SAMD13: variants seen among roughly 807,000 people sequenced by gnomAD.
SAMD13 encodes sterile alpha motif domain containing 13, also known as sterile alpha motif domain-containing protein 13.
Under a neutral mutation model 12.4 loss-of-function variants are expected in SAMD13, and 9 were observed. The observed-to-expected ratio is 0.72, with a 90% CI of 0.44 to 1.26. SAMD13 has a LOEUF of 1.26. Ranked by LOEUF, SAMD13 falls within the 50% of genes most tolerant of loss-of-function variation. SAMD13 has a pLI of 0.00. For missense variants in SAMD13, 84 were observed against 119.6 expected, an observed-to-expected ratio of 0.70 and a Z score of 1.39; for synonymous variants, 46 against 45.4, an observed-to-expected ratio of 1.01 and a Z score of -0.05.
intron 2 of SAMD13, among the ~76,000 whole-genome samples, chr1:84,315,036 C>T (rs1398036834): frequency 1.4e-5 from 2 of 141,396 alleles, no homozygotes; most frequent in Admixed American, 7.3e-5. Flanking sequence ...TTCTTTCTCT[C>T]TCTTTGTTTT....
chr1:84,341,230 T>C (rs1679418001), intron 3 of SAMD13, among the ~76,000 whole-genome samples: 1 of 152,218 alleles, frequency 6.6e-6, no homozygotes, highest in Non-Finnish European at 1.5e-5. Flanking sequence ...CACTTTGTCT[T>C]CATGGACATT....
In SAMD13 at chr1:84,338,432, CT is replaced by C. The variant is rs201864672; in HGVS notation, c.166-11176del. Among the ~76,000 whole-genome samples the C allele has an allele frequency of 3.6e-3, 366 of 100,650 alleles. 1 individual carries two copies. The highest frequency in any genetic ancestry group is 0.011 in the African/African-American group (275 of 25,446). 66.0% of individuals were successfully genotyped at this position (100,650 alleles called of 152,430 possible). ...AGCTGGTACAGGGGAACTCATCTCTCTTTTTTTTTTTTTTTTTTTTTTTAAG... is the reference window on the plus strand; with the variant it reads ...AGCTGGTACAGGGGAACTCATCTCTCTTTTTTTTTTTTTTTTTTTTTTAAG... On this transcript the variant is annotated intron_variant, in intron 3 of 3. Transcript: ENST00000394834.
At chr1:84,317,177 C>T (rs75462904) in intron 2 of SAMD13, among the ~76,000 whole-genome samples, 2,109 of 151,988 alleles carry the variant, frequency 0.014, 53 homozygotes, top group African/African-American at 0.048. Context: ...TTTTCCTTTT[C>T]AATTTGGAGG....
At chr1:84,309,342 G>A (rs375957536) in intron 2 of SAMD13, among the ~76,000 whole-genome samples, 8 of 152,118 alleles carry the variant, frequency 5.3e-5, no homozygotes, top group African/African-American at 1.2e-4. Context: ...TTCTTGTGTC[G>A]TTGCTGCAAG....
At chr1:84,336,546 A>C (rs1224776957) in intron 3 of SAMD13, among the ~76,000 whole-genome samples, 5 of 152,140 alleles carry the variant, frequency 3.3e-5, no homozygotes, top group Non-Finnish European at 4.4e-5. Context: ...ATTCACTATC[A>C]TGAGAAGAGC....
At chr1:84,306,644 C>CAAAAAAAAAAA (rs386367519) in intron 2 of SAMD13, among the ~76,000 whole-genome samples, 1 of 63,976 alleles carries the variant, frequency 1.6e-5, no homozygotes, top group Non-Finnish European at 3.0e-5. Context: ...CTAAAAATAC[C>CAAAAAAAAAAA]AAAAAAAAAA....
At chr1:84,344,505 T>C (rs974249999) in intron 3 of SAMD13, among the ~76,000 whole-genome samples, 1 of 152,122 alleles carries the variant, frequency 6.6e-6, no homozygotes, top group Non-Finnish European at 1.5e-5. Flanking sequence ...GAAGGATCCA[T>C]ACAACAAAGA....
In SAMD13 at chr1:84,303,220, C is replaced by G; in HGVS notation, c.-15C>G. The stretch of plus-strand genomic sequence containing the variant: ...TTGATTAGTTGCTGAAGTAAAGGAA[C>G]CCTGCAGCCTTCCCATGCTATCTGT... On this transcript the variant is annotated 5_prime_UTR_variant, in exon 2 of 4. Transcript: ENST00000394834. 6.2e-7 allele frequency: 1 copy of G among 1,612,486 alleles called. No individual in the cohort carries two copies. The highest frequency in any genetic ancestry group is 8.5e-7 in the Non-Finnish European group (1 of 1,178,744).
chr1:84,349,901 TA>T lies in SAMD13; in HGVS notation c.*128del. 7.0e-7 allele frequency: 1 copy of T among 1,429,530 alleles called. No homozygotes were observed. Among genetic ancestry groups the T allele is most frequent in the Non-Finnish European group, 9.1e-7 (1 of 1,093,922 alleles). The allele number at this position is 1,429,530 out of a possible 1,614,324, so 88.6% of individuals were successfully genotyped here. A position where few individuals can be genotyped will look rare whatever the true frequency, so the allele number is the denominator to read the frequency against. ...AAAGAATTTCAATCAAATGAAACGTTATCCTATTGGATAGACTAGGCAATTC... is the reference window on the plus strand; with the variant it reads ...AAAGAATTTCAATCAAATGAAACGTTTCCTATTGGATAGACTAGGCAATTC... On this transcript the variant is annotated 3_prime_UTR_variant, in exon 4 of 4. Transcript: ENST00000394834.
At chr1:84,299,553 C>A, upstream of SAMD13, 2 of 1,445,426 alleles carry the variant, frequency 1.4e-6, no homozygotes, top group South Asian at 1.4e-5. Flanking sequence ...ACATAGTGCA[C>A]ACATCACACT....
intron 3 of SAMD13, among the ~76,000 whole-genome samples, chr1:84,328,739 T>C (rs1164800487): frequency 6.6e-6 from 1 of 152,168 alleles, no homozygotes; most frequent in Non-Finnish European, 1.5e-5. Flanking sequence ...ATCATCCTGA[T>C]TAGAAAATGC....
chr1:84,316,105 T>C (rs1678827447), intron 2 of SAMD13, among the ~76,000 whole-genome samples: 2 of 152,172 alleles, frequency 1.3e-5, no homozygotes, highest in Non-Finnish European at 2.9e-5. Flanking sequence ...ATTCCTTATA[T>C]ATTTTAGAAA....
At chr1:84,324,742 C>A (rs533452260) in intron 2 of SAMD13, among the ~76,000 whole-genome samples, 1 of 152,128 alleles carries the variant, frequency 6.6e-6, no homozygotes, top group African/African-American at 2.4e-5. Flanking sequence ...ATACTCCCAA[C>A]GCAGAAATGA....
chr1:84,337,555 T>C (rs1679327399), intron 3 of SAMD13, among the ~76,000 whole-genome samples: 1 of 152,210 alleles, frequency 6.6e-6, no homozygotes, highest in South Asian at 2.1e-4. Context: ...GCACATAGCA[T>C]GAGGACCCTG....
At chr1:84,308,533 A>G (rs1678635358) in intron 2 of SAMD13, among the ~76,000 whole-genome samples, 1 of 152,200 alleles carries the variant, frequency 6.6e-6, no homozygotes, top group African/African-American at 2.4e-5. Flanking sequence ...TACCTGAGTA[A>G]TGTGTGACAG....
intron 3 of SAMD13, among the ~76,000 whole-genome samples, chr1:84,332,451 C>T (rs1415588855): frequency 3.3e-5 from 5 of 151,908 alleles, no homozygotes; most frequent in Non-Finnish European, 7.4e-5. Flanking sequence ...GATGGTGTCT[C>T]GTTGTTTTGA....
chr1:84,349,843 C>T lies in SAMD13; in HGVS notation c.*69C>T, dbSNP rs1353720509. 1 of 1,554,486 alleles carries T rather than the reference C, an allele frequency of 6.4e-7. No individual in the cohort carries two copies. Among genetic ancestry groups the T allele is most frequent in the East Asian group, 2.3e-5 (1 of 44,272 alleles). On this transcript the variant is annotated 3_prime_UTR_variant, in exon 4 of 4. Transcript: ENST00000394834. ...CATAATTTAGTTTCATGTAATGAAACTTTGTAAACAGAATACATACATGTG... is the reference window on the plus strand; with the variant it reads ...CATAATTTAGTTTCATGTAATGAAATTTTGTAAACAGAATACATACATGTG...
chr1:84,317,689 T>C (rs1234373372), intron 2 of SAMD13, among the ~76,000 whole-genome samples: 1 of 152,096 alleles, frequency 6.6e-6, no homozygotes, highest in Non-Finnish European at 1.5e-5. Context: ...TGGCTTGGTA[T>C]GAGGGTAATA....
chr1:84,312,714 A>G (rs1195935736), intron 2 of SAMD13, among the ~76,000 whole-genome samples: 2 of 152,174 alleles, frequency 1.3e-5, no homozygotes, highest in South Asian at 4.1e-4. Flanking sequence ...TAGGCAAAAC[A>G]AAACAATGGA....
Sources: allele counts gnomAD v4.1 joint callset (sites outside exome capture counted in the v4.1 genomes callset), GRCh38; gene constraint gnomAD v4.1.1; transcripts MANE v1.5; gene names NCBI Gene and HGNC (gene_info 2026-07-23, HGNC 2026-07-21).